Variants in AOPEP observed in about 807,000 individuals in gnomAD.
AOPEP encodes aminopeptidase O.
AOPEP carries 77 observed loss-of-function variants against 98.1 expected under a neutral mutation model. The observed-to-expected ratio is 0.78, with a 90% CI of 0.65 to 0.95. The LOEUF is 0.95. AOPEP is among the 40% of genes least tolerant of loss of function. The probability of loss-of-function intolerance (pLI) is 0.00; values close to 1 mark genes in which losing one functional copy is unlikely to be tolerated. For synonymous variants in AOPEP, 346 were observed against 365.3 expected, an observed-to-expected ratio of 0.95 and a Z score of 0.60; for missense variants, 1,024 against 1,024.7, an observed-to-expected ratio of 1.00 and a Z score of 0.01.
At chr9:94,874,022 T>G (rs1469922037) in intron 5 of AOPEP, among the ~76,000 whole-genome samples, 2 of 152,202 alleles carry the variant, frequency 1.3e-5, no homozygotes, top group Non-Finnish European at 2.9e-5. Flanking sequence ...ATAGGAAACA[T>G]GTAAAGTATA....
intron 5 of AOPEP, among the ~76,000 whole-genome samples, chr9:94,860,168 AGGAGTAG>A (rs1018850721): frequency 6.6e-6 from 1 of 152,196 alleles, no homozygotes; most frequent in Non-Finnish European, 1.5e-5. Flanking sequence ...GAGCCAGGCC[AGGAGTAG>A]GAAGAAGGGC....
intron 3 of AOPEP, among the ~76,000 whole-genome samples, chr9:94,784,404 G>A (rs1843946748): frequency 6.6e-6 from 1 of 152,038 alleles, no homozygotes; most frequent in Non-Finnish European, 1.5e-5. Flanking sequence ...CACAGGTTTA[G>A]TATAAAAAGT....
chr9:94,839,986 T>C (rs1351779206), intron 5 of AOPEP, among the ~76,000 whole-genome samples: 1 of 152,190 alleles, frequency 6.6e-6, no homozygotes, highest in East Asian at 1.9e-4. Context: ...CAAGCTGATC[T>C]TGAACTCCTG....
the AOPEP span, among the ~76,000 whole-genome samples, chr9:95,098,604 C>T: frequency 5.9e-5 from 9 of 152,264 alleles, no homozygotes; most frequent in African/African-American, 2.2e-4. Flanking sequence ...CGGCGCTGCT[C>T]GCCTTGGCCG....
At chr9:94,811,649 G>C (rs996059936) in intron 5 of AOPEP, among the ~76,000 whole-genome samples, 1 of 152,156 alleles carries the variant, frequency 6.6e-6, no homozygotes, top group Non-Finnish European at 1.5e-5. Flanking sequence ...GCACTGCCTG[G>C]TAGGGGACTG....
At chr9:94,960,683 G>A (rs1025523116) in intron 9 of AOPEP, among the ~76,000 whole-genome samples, 2 of 152,038 alleles carry the variant, frequency 1.3e-5, no homozygotes, top group Admixed American at 1.3e-4. Context: ...GTTCGTTGCA[G>A]ACTCACAGGC....
At chr9:95,091,922 G>C (rs987501969), downstream of AOPEP, among the ~76,000 whole-genome samples, 1 of 152,180 alleles carries the variant, frequency 6.6e-6, no homozygotes, top group Non-Finnish European at 1.5e-5. Flanking sequence ...GCCACTCTTG[G>C]GGCTGGGGGT....
chr9:94,948,019 T>C (rs1455987276), intron 7 of AOPEP, among the ~76,000 whole-genome samples: 2 of 152,210 alleles, frequency 1.3e-5, no homozygotes, highest in Non-Finnish European at 2.9e-5. Flanking sequence ...AAATTAAATA[T>C]ACTAAATATT....
At chr9:94,884,697 G>A (rs1049120027) in intron 5 of AOPEP, among the ~76,000 whole-genome samples, 4 of 152,200 alleles carry the variant, frequency 2.6e-5, no homozygotes, top group Non-Finnish European at 5.9e-5. Flanking sequence ...GATGAAGCGA[G>A]TAAATGCATG....
chr9:94,839,634 G>C (rs2042051579), intron 5 of AOPEP, among the ~76,000 whole-genome samples: 1 of 152,158 alleles, frequency 6.6e-6, no homozygotes, highest in Admixed American at 6.5e-5. Flanking sequence ...CATTTATTCT[G>C]TGAGTCAGTG....
chr9:95,051,643 C>T (rs1187274398), intron 13 of AOPEP, among the ~76,000 whole-genome samples: 1 of 151,814 alleles, frequency 6.6e-6, no homozygotes, highest in Non-Finnish European at 1.5e-5. Context: ...GTCATTTTAC[C>T]ATTAGCTTTT....
At chr9:94,825,063 T>G (rs963351874) in intron 5 of AOPEP, among the ~76,000 whole-genome samples, 1 of 152,178 alleles carries the variant, frequency 6.6e-6, no homozygotes, top group Non-Finnish European at 1.5e-5. Flanking sequence ...CAGGGCTGTT[T>G]AACTGCTGCT....
intron 5 of AOPEP, among the ~76,000 whole-genome samples, chr9:94,901,251 A>G (rs2050352148): frequency 2.0e-5 from 3 of 152,198 alleles, no homozygotes; most frequent in Non-Finnish European, 4.4e-5. Flanking sequence ...ATGGCCAAAA[A>G]GTATAGAGTA....
the AOPEP span, among the ~76,000 whole-genome samples, chr9:95,112,446 A>G: frequency 6.6e-6 from 1 of 152,136 alleles, no homozygotes; most frequent in African/African-American, 2.4e-5. Flanking sequence ...CTCCCTGGAC[A>G]CTGCTGTCCT....
intron 5 of AOPEP, among the ~76,000 whole-genome samples, chr9:94,847,127 TAC>T (rs57318947): frequency 2.6e-4 from 33 of 125,176 alleles, no homozygotes; most frequent in African/African-American, 7.8e-4. Context: ...GTTCCCTTTG[TAC>T]ACACACACAC....
chr9:95,079,077 T>TC (rs2069418087), intron 14 of AOPEP, among the ~76,000 whole-genome samples: 1 of 152,082 alleles, frequency 6.6e-6, no homozygotes, highest in African/African-American at 2.4e-5. Context: ...TATCAGCCCC[T>TC]CCCAGAGGCA....
the AOPEP span, chr9:95,107,003 G>C: frequency 1.9e-6 from 3 of 1,538,966 alleles, no homozygotes; most frequent in South Asian, 2.3e-5. Context: ...CCTCGGACAG[G>C]TAACCCACCT....
chr9:94,885,008 CAAAAAA>C (rs59763820), intron 5 of AOPEP, among the ~76,000 whole-genome samples: 2 of 113,722 alleles, frequency 1.8e-5, no homozygotes, highest in Non-Finnish European at 1.8e-5. Flanking sequence ...GACTCCGTCT[CAAAAAA>C]AAAAAAAAAA....
At chr9:94,977,654 C>A (rs2059933517) in intron 10 of AOPEP, among the ~76,000 whole-genome samples, 1 of 152,182 alleles carries the variant, frequency 6.6e-6, no homozygotes, top group Admixed American at 6.5e-5. Flanking sequence ...CCCACACTCT[C>A]ATAGCTTACA....
Sources: gnomAD v4.1 joint callset for allele counts (sites outside exome capture counted in the v4.1 genomes callset) on GRCh38, gnomAD v4.1.1 for gene constraint, MANE v1.5 for transcripts, NCBI Gene and HGNC (gene_info 2026-07-23, HGNC 2026-07-21) for gene names.